The following GLT1D1 variants were observed in gnomAD, a reference collection of about 807,000 sequenced individuals.
The protein encoded by GLT1D1 is glycosyltransferase 1 domain-containing protein 1.
Under a neutral mutation model 28.7 loss-of-function variants are expected in GLT1D1, and 21 were observed. The observed-to-expected ratio is 0.73, with a 90% CI of 0.52 to 1.05. The LOEUF is 1.05. Among genes scored for constraint, GLT1D1 ranks in the 50% least tolerant of loss-of-function variants. GLT1D1 has a pLI of 0.00. For missense variants in GLT1D1, 343 were observed against 330.6 expected (o/e 1.04, Z -0.29); for synonymous variants, 147 against 124.8 (o/e 1.18, Z -1.19).
At chr12:128,927,861 A>G (rs1448842890) in intron 4 of GLT1D1, among the ~76,000 whole-genome samples, 1 of 151,476 alleles carries the variant, frequency 6.6e-6, no homozygotes, top group East Asian at 2.0e-4. Flanking sequence ...TTAGCTGGGC[A>G]TCGTGGTGGG....
intron 3 of GLT1D1, among the ~76,000 whole-genome samples, chr12:128,895,388 T>C (rs904396299): frequency 2.6e-5 from 4 of 151,830 alleles, no homozygotes; most frequent in African/African-American, 9.7e-5. Context: ...CGAATGGAGG[T>C]ATGAAGTAGG....
chr12:128,856,015 G>A (rs1157691940), intron 1 of GLT1D1, among the ~76,000 whole-genome samples: 4 of 152,128 alleles, frequency 2.6e-5, no homozygotes, highest in Non-Finnish European at 5.9e-5. Context: ...GCCTCCCAAA[G>A]TGCTAGGATT....
intron 4 of GLT1D1, among the ~76,000 whole-genome samples, chr12:128,911,052 C>T (rs1447090657): frequency 1.3e-5 from 2 of 152,230 alleles, no homozygotes; most frequent in African/African-American, 4.8e-5. Flanking sequence ...GCCTCAGCCT[C>T]CCAAGCAGCT....
chr12:128,942,605 A>G (rs2135482888), intron 4 of GLT1D1, among the ~76,000 whole-genome samples: 1 of 152,210 alleles, frequency 6.6e-6, no homozygotes, highest in African/African-American at 2.4e-5. Flanking sequence ...AAGAGTAAAT[A>G]CGCCATGGAA....
At chr12:128,905,321 A>C (rs1870740622) in intron 4 of GLT1D1, among the ~76,000 whole-genome samples, 1 of 152,254 alleles carries the variant, frequency 6.6e-6, no homozygotes, top group South Asian at 2.1e-4. Context: ...CGTGCCCTGG[A>C]TCAGCCACGT....
intron 7 of GLT1D1, among the ~76,000 whole-genome samples, chr12:128,965,496 T>C (rs893537594): frequency 6.6e-6 from 1 of 152,132 alleles, no homozygotes; most frequent in Non-Finnish European, 1.5e-5. Flanking sequence ...GCCTGGACTT[T>C]GACTTGCAGA....
intron 3 of GLT1D1, among the ~76,000 whole-genome samples, chr12:128,889,272 C>T (rs1868756992): frequency 6.6e-6 from 1 of 152,152 alleles, no homozygotes; most frequent in African/African-American, 2.4e-5. Context: ...ATCTATGTAG[C>T]TTTCTGAGCT....
At chr12:128,966,165 G>A (rs911651659) in intron 7 of GLT1D1, among the ~76,000 whole-genome samples, 1 of 152,248 alleles carries the variant, frequency 6.6e-6, no homozygotes, top group Non-Finnish European at 1.5e-5. Context: ...GAGCGGCTGG[G>A]AGTAGGAGTC....
intron 4 of GLT1D1, among the ~76,000 whole-genome samples, chr12:128,928,603 G>A (rs1250114556): frequency 6.6e-6 from 1 of 150,508 alleles, no homozygotes; most frequent in African/African-American, 2.4e-5. Flanking sequence ...ACAGCTCCGC[G>A]TGTTTGTGGT....
At position 128,945,060 on chromosome 12, in the gene GLT1D1, G is replaced by A. The variant is rs975019457; in HGVS notation, c.376-266G>A. 3.0e-4 allele frequency: 195 copies of A among 649,766 alleles called. 1 individual carries two copies. Among genetic ancestry groups the A allele is most frequent in the South Asian group, 2.2e-4 (12 of 53,596 alleles). The allele number at this position is 649,766 out of a possible 1,614,324, so 40.3% of individuals were successfully genotyped here. On this transcript the variant is annotated intron_variant, in intron 4 of 7. Transcript: ENST00000281703. ...GAACATGTAACAGGCCAATTTCTGC[G>A]CCCCGCAGCATGTTGTCCCGGAGCA... is the stretch of plus-strand genomic sequence containing the variant.
chr12:128,963,234 C>T (rs184958087), intron 7 of GLT1D1, among the ~76,000 whole-genome samples: 8 of 152,316 alleles, frequency 5.3e-5, no homozygotes, highest in East Asian at 1.9e-4. Flanking sequence ...GTGTCCTCCT[C>T]GCTCCTGACA....
chr12:128,968,963 C>A (rs1878758455), intron 7 of GLT1D1, among the ~76,000 whole-genome samples: 1 of 152,122 alleles, frequency 6.6e-6, no homozygotes, highest in Admixed American at 6.5e-5. Context: ...GTCTTTCCTG[C>A]TGTGCCTCCC....
intron 4 of GLT1D1, among the ~76,000 whole-genome samples, chr12:128,919,767 T>C (rs1872463526): frequency 6.6e-6 from 1 of 152,224 alleles, no homozygotes; most frequent in Non-Finnish European, 1.5e-5. Context: ...ACATTTTAAA[T>C]GTGATGATTC....
intron 4 of GLT1D1, among the ~76,000 whole-genome samples, chr12:128,919,998 C>A (rs1397602397): frequency 5.8e-5 from 2 of 34,194 alleles, no homozygotes; most frequent in African/African-American, 2.2e-4. Context: ...TCTCCCCCTC[C>A]ATCTCTCTCT....
intron 4 of GLT1D1, among the ~76,000 whole-genome samples, chr12:128,936,272 A>G (rs531976031): frequency 9.4e-4 from 140 of 149,158 alleles, no homozygotes; most frequent in African/African-American, 3.4e-3. Flanking sequence ...CTCCTGCCTC[A>G]GCCTCCCGAG....
At chr12:128,897,581 A>C (rs557758769) in intron 3 of GLT1D1, among the ~76,000 whole-genome samples, 2 of 152,148 alleles carry the variant, frequency 1.3e-5, no homozygotes, top group East Asian at 3.9e-4. Context: ...TAGCTCCTGA[A>C]CCATCTTTTG....
intron 2 of GLT1D1, among the ~76,000 whole-genome samples, chr12:128,886,304 T>C (rs1022197416): frequency 1.3e-5 from 2 of 152,166 alleles, no homozygotes; most frequent in African/African-American, 4.8e-5. Context: ...GGTGTATCAG[T>C]TTCCCACTGC....
intron 1 of GLT1D1, among the ~76,000 whole-genome samples, chr12:128,859,240 T>C (rs1956300439): frequency 6.6e-6 from 1 of 152,170 alleles, no homozygotes; most frequent in Non-Finnish European, 1.5e-5. Flanking sequence ...ATAATGGGCC[T>C]TAGTTAGCAA....
At chr12:128,959,566 C>A (rs1358801807) in intron 7 of GLT1D1, among the ~76,000 whole-genome samples, 1 of 151,758 alleles carries the variant, frequency 6.6e-6, no homozygotes, top group African/African-American at 2.4e-5. Context: ...TCCTGGGAAG[C>A]GGAGGGAAAT....
Sources: gnomAD v4.1 joint callset for allele counts (sites outside exome capture counted in the v4.1 genomes callset) on GRCh38, gnomAD v4.1.1 for gene constraint, MANE v1.5 for transcripts, NCBI Gene and HGNC (gene_info 2026-07-23, HGNC 2026-07-21) for gene names.